BMP3: variants seen among roughly 807,000 people sequenced by gnomAD.
BMP3 encodes the protein bone morphogenetic protein 3.
In BMP3, 23 loss-of-function variants were observed where a neutral mutation model predicts 38.1. That is an observed-to-expected ratio of 0.60 (90% confidence interval 0.43 to 0.86). The LOEUF is 0.86. Among genes scored for constraint, BMP3 ranks in the 40% least tolerant of loss-of-function variants. The pLI is 0.00. For missense variants in BMP3, 628 were observed against 579.6 expected (o/e 1.08, Z -0.86); for synonymous variants, 258 against 225.7 (o/e 1.14, Z -1.28).
Position 81,055,471 on chromosome 4 carries a change from A to C in BMP3, c.*1935A>C, listed in dbSNP as rs1740528092. On this transcript the variant is annotated 3_prime_UTR_variant, in exon 3 of 3. Coordinates refer to ENST00000282701, the MANE Select transcript of BMP3 (RefSeq NM_001201.5). ...ACAGTAGCATAAAATTAAAGATTCA[A>C]AGTGAGATGGAGGATAAAATTACTT... is the stretch of plus-strand genomic sequence containing the variant. The C allele has an allele frequency of 6.6e-6, 1 of 152,302 alleles. No individual in the cohort carries two copies. Among genetic ancestry groups the C allele is most frequent in the Admixed American group, 6.5e-5 (1 of 15,300 alleles). 9.4% of individuals were successfully genotyped at this position (152,302 alleles called of 1,614,324 possible).
chr4:81,046,787 C>T, intron 2 of BMP3, 139 bp downstream of exon 2: 1 of 934,840 alleles, frequency 1.1e-6, no homozygotes. Context: ...CCCTTATTTA[C>T]TACATTCTAA....
In BMP3 at chr4:81,046,569, G is replaced by T; in HGVS notation, c.1148G>T (p.Gly383Val). 3 of 1,614,124 alleles carry T rather than the reference G, an allele frequency of 1.9e-6. No individual in the cohort carries two copies. Among genetic ancestry groups the T allele is most frequent in the Non-Finnish European group, 2.5e-6 (3 of 1,180,008 alleles). ...CTCAAGGTAGACTTTGCAGATATTG[G>T]CTGGAGTGAATGGATTATCTCCCCC... is the stretch of plus-strand genomic sequence containing the variant. The part of the protein sequence containing the change: ...RYLKVDFADI[G>V]WSEWIISPKS... Residue 383 changes from glycine (G) to valine (V), a missense_variant, in exon 2 of 3, where the codon GGC (glycine) becomes GTC (valine). Gly to Val is a moderately radical substitution (Grantham distance 109). Transcript: ENST00000282701.
At chr4:81,048,063 C>T (rs1246973846) in intron 2 of BMP3, among the ~76,000 whole-genome samples, 1 of 151,944 alleles carries the variant, frequency 6.6e-6, no homozygotes, top group Admixed American at 6.6e-5. Flanking sequence ...CTCTAAGACC[C>T]CTTCTTTCCC....
Position 81,031,217 on chromosome 4 carries a change from G to T in BMP3, c.-68G>T. The T allele has an allele frequency of 1.4e-6, 2 of 1,447,190 alleles. No individual in the cohort carries two copies. The highest frequency in any genetic ancestry group is 1.8e-6 in the Non-Finnish European group (2 of 1,092,866). 89.6% of individuals were successfully genotyped at this position (1,447,190 alleles called of 1,614,324 possible). ...GAGTTCAACCCTCGGCTCCGCCGCC[G>T]GCTCCTTGCGCCTTCGGAGTGTCCC... is the stretch of plus-strand genomic sequence containing the variant. On this transcript the variant is annotated 5_prime_UTR_variant, in exon 1 of 3. Transcript: ENST00000282701.
In BMP3 at chr4:81,054,829, T is replaced by C. The variant is rs572638217; in HGVS notation, c.*1293T>C. 6.6e-6 allele frequency: 1 copy of C among 152,196 alleles called. No homozygotes were observed. The highest frequency in any genetic ancestry group is 1.5e-5 in the Non-Finnish European group (1 of 68,028). The allele number at this position is 152,196 out of a possible 1,614,324, so 9.4% of individuals were successfully genotyped here. A position where few individuals can be genotyped will look rare whatever the true frequency, so the allele number is the denominator to read the frequency against. ...CTTCTCACTATATTTATTTGTGTGATGGAAATGCTTTCAGGCCGTAGATCA... is the reference window on the plus strand; with the variant it reads ...CTTCTCACTATATTTATTTGTGTGACGGAAATGCTTTCAGGCCGTAGATCA... On this transcript the variant is annotated 3_prime_UTR_variant, in exon 3 of 3. Transcript: ENST00000282701.
chr4:81,032,452 T>G (rs1457867573), intron 1 of BMP3, among the ~76,000 whole-genome samples: 1 of 152,206 alleles, frequency 6.6e-6, no homozygotes, highest in Non-Finnish European at 1.5e-5. Context: ...GAATAACTTA[T>G]GCTAACAGCC....
intron 1 of BMP3, among the ~76,000 whole-genome samples, chr4:81,042,965 A>C (rs540189257): frequency 9.8e-5 from 15 of 152,336 alleles, no homozygotes; most frequent in African/African-American, 3.4e-4. Context: ...GGTGTCATGG[A>C]TTATACAAAT....
At chr4:81,039,952 T>C (rs956272878) in intron 1 of BMP3, among the ~76,000 whole-genome samples, 5 of 152,130 alleles carry the variant, frequency 3.3e-5, no homozygotes, top group African/African-American at 1.2e-4. Flanking sequence ...CCAGGAATGG[T>C]ATCTCTGCCT....
chr4:81,040,184 G>T (rs1740031993), intron 1 of BMP3, among the ~76,000 whole-genome samples: 2 of 152,094 alleles, frequency 1.3e-5, no homozygotes, highest in Non-Finnish European at 2.9e-5. Context: ...CCCTAACTAG[G>T]CTGCAATAAA....
intron 1 of BMP3, among the ~76,000 whole-genome samples, chr4:81,045,045 A>G (rs958450689): frequency 2.0e-5 from 3 of 152,208 alleles, no homozygotes; most frequent in Non-Finnish European, 2.9e-5. Flanking sequence ...AGAGTATTCC[A>G]CAGCAGGTGA....
At chr4:81,041,462 G>GT (rs1740073645) in intron 1 of BMP3, among the ~76,000 whole-genome samples, 1 of 151,930 alleles carries the variant, frequency 6.6e-6, no homozygotes. Flanking sequence ...TTGCTTCTTG[G>GT]TTTTTTTTAA....
rs1196021567 is a variant in BMP3, at chr4:81,054,766, CTT to C, written c.*1231_*1232del. 9.8e-5 allele frequency: 15 copies of C among 152,310 alleles called. No homozygotes were observed. The highest frequency in any genetic ancestry group is 2.9e-4 in the African/African-American group (12 of 41,572). 9.4% of individuals were successfully genotyped at this position (152,310 alleles called of 1,614,324 possible). A position where few individuals can be genotyped will look rare whatever the true frequency, so the allele number is the denominator to read the frequency against. On this transcript the variant is annotated 3_prime_UTR_variant, in exon 3 of 3. Coordinates refer to ENST00000282701, the MANE Select transcript of BMP3 (RefSeq NM_001201.5). ...TGTGTCACATACATATATGTGTCCT[CTT>C]ATAACTTTAGTCTTCAAAATTATTT...
chr4:81,033,219 C>G (rs903669273), intron 1 of BMP3, among the ~76,000 whole-genome samples: 2 of 152,178 alleles, frequency 1.3e-5, no homozygotes, highest in Non-Finnish European at 2.9e-5. Context: ...TAACAAGTTT[C>G]ATTTATAGAA....
At chr4:81,038,031 T>G (rs1299555313) in intron 1 of BMP3, among the ~76,000 whole-genome samples, 1 of 152,128 alleles carries the variant, frequency 6.6e-6, no homozygotes, top group African/African-American at 2.4e-5. Context: ...TAAGCTTCTG[T>G]CCCTAGAGTT....
rs1334170583 is a variant in BMP3 at position 81,055,290 on chromosome 4, A to G, written c.*1754A>G. On this transcript the variant is annotated 3_prime_UTR_variant, in exon 3 of 3. Coordinates refer to ENST00000282701, the MANE Select transcript of BMP3 (RefSeq NM_001201.5). ...TTAAGTGGTATTTTATTGCAAACCC[A>G]TTAAAAGAATAACTCATGAAAAGAA... 2.0e-5 allele frequency: 3 copies of G among 152,194 alleles called. No homozygotes were observed. The East Asian group carries it at 5.8e-4, about 29-fold the overall frequency. The allele number at this position is 152,194 out of a possible 1,614,324, so 9.4% of individuals were successfully genotyped here.
rs1028343018 is a variant in BMP3, at chr4:81,031,107, G to A, written c.-178G>A. ...GAGCCCACCTGTCAGGCTGCGCTGGGTCAGCGCAGCAAGTGGGGCTGGCCG... is the reference window on the plus strand; with the variant it reads ...GAGCCCACCTGTCAGGCTGCGCTGGATCAGCGCAGCAAGTGGGGCTGGCCG... On this transcript the variant is annotated 5_prime_UTR_variant, in exon 1 of 3. Coordinates refer to ENST00000282701, the MANE Select transcript of BMP3 (RefSeq NM_001201.5). The A allele has an allele frequency of 1.5e-6, 1 of 654,988 alleles. No homozygotes were observed. Among genetic ancestry groups the A allele is most frequent in the Non-Finnish European group, 2.5e-6 (1 of 398,490 alleles). The allele number at this position is 654,988 out of a possible 1,614,324, so 40.6% of individuals were successfully genotyped here. A position where few individuals can be genotyped will look rare whatever the true frequency, so the allele number is the denominator to read the frequency against.
Position 81,056,053 on chromosome 4 carries a change from TTTAA to T in BMP3, c.*2523_*2526del, listed in dbSNP as rs1425209772. 6.6e-6 allele frequency: 1 copy of T among 152,180 alleles called. No individual in the cohort carries two copies. Among genetic ancestry groups the T allele is most frequent in the African/African-American group, 2.4e-5 (1 of 41,448 alleles). The allele number at this position is 152,180 out of a possible 1,614,324, so 9.4% of individuals were successfully genotyped here. On this transcript the variant is annotated 3_prime_UTR_variant, in exon 3 of 3. Transcript: ENST00000282701. ...GAGATTGAAGTAAATGTATTAATAT[TTTAA>T]TTAATACAGATTTACTAAGAGTAGT...
Position 81,046,143 on chromosome 4 carries a change from TG to T in BMP3, c.724del (p.Val242TyrfsTer115). On this transcript the variant is annotated frameshift_variant, in exon 2 of 3. Transcript: ENST00000282701. LOFTEE classifies it high-confidence loss of function. ...TTACCTTTTCCAGAGCCTTATATCT[TG>T]GTATATGCCAATGATGCCGCCATTT... ...RRLPFPEPYI[L>X]VYANDAAISE... The T allele has an allele frequency of 6.2e-7, 1 of 1,614,162 alleles. No homozygotes were observed. The highest frequency in any genetic ancestry group is 8.5e-7 in the Non-Finnish European group (1 of 1,180,032).
chr4:81,052,685 AC>A (rs1029974221), intron 2 of BMP3, among the ~76,000 whole-genome samples: 2 of 151,946 alleles, frequency 1.3e-5, no homozygotes, highest in East Asian at 1.9e-4. Flanking sequence ...TGGTCTTCTT[AC>A]CCCCCAGTTT....
Sources: gnomAD v4.1 joint callset for allele counts (sites outside exome capture counted in the v4.1 genomes callset) on GRCh38, gnomAD v4.1.1 for gene constraint, MANE v1.5 for transcripts, NCBI Gene and HGNC (gene_info 2026-07-23, HGNC 2026-07-21) for gene names.